Variants in NEK1 observed in about 807,000 individuals in gnomAD.
The protein encoded by NEK1 is NIMA related kinase 1, also known as serine/threonine-protein kinase Nek1.
A neutral mutation model predicts 182.1 loss-of-function variants in NEK1; 137 were observed. The observed-to-expected ratio is 0.75, with a 90% confidence interval of 0.65 to 0.87. The LOEUF is 0.87. Ranked by LOEUF, NEK1 falls within the 40% of genes least tolerant of loss-of-function variation. The pLI is 0.00. For synonymous variants in NEK1, 513 were observed against 492.2 expected (o/e 1.04, Z -0.56); for missense variants, 1,391 against 1,494.4 (o/e 0.93, Z 1.14).
At chr4:169,598,860 C>T (rs1047454463) in intron 5 of NEK1, among the ~76,000 whole-genome samples, 5 of 152,030 alleles carry the variant, frequency 3.3e-5, no homozygotes, top group African/African-American at 9.7e-5. Flanking sequence ...TACATAGACG[C>T]ATGATATATA....
intron 23 of NEK1, among the ~76,000 whole-genome samples, chr4:169,503,360 A>G (rs1434949254): frequency 1.3e-5 from 2 of 152,074 alleles, no homozygotes; most frequent in Non-Finnish European, 2.9e-5. Context: ...TTTTTTTGTA[A>G]AAAATAAAAA....
intron 18 of NEK1, among the ~76,000 whole-genome samples, chr4:169,547,558 T>C (rs539904147): frequency 1.3e-5 from 2 of 152,322 alleles, no homozygotes; most frequent in African/African-American, 4.8e-5. Context: ...GATTATATCC[T>C]GGAGAGTGTT....
chr4:169,438,984 T>TC lies in NEK1; in HGVS notation c.2588-726dup, dbSNP rs535363821. Among the ~76,000 whole-genome samples, 12 of 152,286 alleles carry TC rather than the reference T, an allele frequency of 7.9e-5. No homozygotes were observed. In the East Asian group the frequency reaches 2.1e-3, roughly 27 times the overall value. Reference sequence around the variant, plus strand: ...ACCCTCTAATCTCTAACACTCATTTTCCACTTCTCCGCCTCTACAACTCCA... The same window carrying TC: ...ACCCTCTAATCTCTAACACTCATTTTCCCACTTCTCCGCCTCTACAACTCCA... On this transcript the variant is annotated intron_variant, in intron 27 of 35. Coordinates refer to ENST00000507142, the MANE Select transcript of NEK1 (RefSeq NM_001199397.3).
intron 27 of NEK1, among the ~76,000 whole-genome samples, chr4:169,438,672 A>C (rs1738869229): frequency 6.6e-6 from 1 of 152,238 alleles, no homozygotes; most frequent in Non-Finnish European, 1.5e-5. Context: ...AAAGAAAAAA[A>C]AACTACCTCA....
At chr4:169,535,481 T>C (rs1418514716) in intron 19 of NEK1, among the ~76,000 whole-genome samples, 2 of 143,860 alleles carry the variant, frequency 1.4e-5, no homozygotes, top group Non-Finnish European at 3.1e-5. Flanking sequence ...CTGAACAAAA[T>C]AGGGAGCATC....
At chr4:169,449,512 C>A (rs1307234074) in intron 27 of NEK1, among the ~76,000 whole-genome samples, 1 of 152,318 alleles carries the variant, frequency 6.6e-6, no homozygotes, top group South Asian at 2.1e-4. Flanking sequence ...TGTTCTGCAG[C>A]CTCCACTGGT....
At chr4:169,489,212 C>T (rs566518902) in intron 23 of NEK1, among the ~76,000 whole-genome samples, 2 of 152,004 alleles carry the variant, frequency 1.3e-5, no homozygotes, top group East Asian at 1.9e-4. Context: ...GAGCATTTTA[C>T]GTGGTAAATC....
chr4:169,542,670 CCTGA>C (rs1164098818), intron 18 of NEK1, among the ~76,000 whole-genome samples: 1 of 146,840 alleles, frequency 6.8e-6, no homozygotes, highest in African/African-American at 2.7e-5. Context: ...TCTGTTCTTT[CCTGA>C]CTTTTTAATT....
At position 169,406,585 on chromosome 4, in the gene NEK1, A is replaced by G; in HGVS notation, c.3374+11T>C. On this transcript the variant is annotated intron_variant, in intron 32 of 35. Transcript: ENST00000507142. Reference sequence around the variant, plus strand: ...TCTTTTAATGCTGTTTACTAATGACATTATACTTACATGTCTTCAGAATCA... The same window carrying G: ...TCTTTTAATGCTGTTTACTAATGACGTTATACTTACATGTCTTCAGAATCA... 2 of 1,573,372 alleles carry G rather than the reference A, an allele frequency of 1.3e-6. No homozygotes were observed. The highest frequency in any genetic ancestry group is 1.7e-6 in the Non-Finnish European group (2 of 1,159,798).
At chr4:169,576,703 G>A (rs1561447649) in intron 12 of NEK1, 2 of 310,270 alleles carry the variant, frequency 6.4e-6, no homozygotes, top group African/African-American at 2.2e-5. Flanking sequence ...AATGTCACTC[G>A]CTTTTTATTA....
intron 26 of NEK1, among the ~76,000 whole-genome samples, chr4:169,466,417 A>G (rs1744931085): frequency 6.6e-6 from 1 of 150,382 alleles, no homozygotes; most frequent in East Asian, 2.0e-4. Flanking sequence ...AAAAGGAGTC[A>G]GAGAAAAAAG....
intron 4 of NEK1, 71 bp downstream of exon 4, chr4:169,601,937 T>A (rs1054984287): frequency 8.4e-6 from 9 of 1,069,448 alleles, no homozygotes; most frequent in Admixed American, 1.8e-5. Context: ...ATCTTTTTCC[T>A]AAGAATGCAT....
intron 28 of NEK1, among the ~76,000 whole-genome samples, chr4:169,434,441 G>A (rs972183888): frequency 3.9e-5 from 6 of 152,000 alleles, no homozygotes; most frequent in Non-Finnish European, 8.8e-5. Flanking sequence ...TGAAACTCCC[G>A]ACCTCAAGTG....
At chr4:169,503,175 G>A (rs1024442375) in intron 23 of NEK1, among the ~76,000 whole-genome samples, 2 of 152,082 alleles carry the variant, frequency 1.3e-5, no homozygotes, top group African/African-American at 4.8e-5. Context: ...ACCCAAGGAG[G>A]TGAAAGATCT....
intron 19 of NEK1, among the ~76,000 whole-genome samples, chr4:169,527,516 T>C (rs1229008492): frequency 1.3e-5 from 2 of 152,078 alleles, no homozygotes; most frequent in Non-Finnish European, 2.9e-5. Flanking sequence ...AACTATACCA[T>C]AAAGGGGAGA....
At position 169,473,594 on chromosome 4, in the gene NEK1, T is replaced by A. The variant is rs568201676; in HGVS notation, c.2434+3530A>T. ...GAAATAATATTCAATGATTTGAAAA[T>A]AAGAGAAGGGTCAGGCATGGTGGCT... On this transcript the variant is annotated intron_variant, in intron 26 of 35. Coordinates refer to ENST00000507142, the MANE Select transcript of NEK1 (RefSeq NM_001199397.3). Among the ~76,000 whole-genome samples, 5 of 152,138 alleles carry A rather than the reference T, an allele frequency of 3.3e-5. No homozygotes were observed. In the South Asian group the frequency reaches 1.0e-3, roughly 32 times the overall value.
Position 169,602,600 on chromosome 4 carries a change from C to T in NEK1, c.31G>A (p.Gly11Arg). MEKYVRLQKI[G>R]EGSFGKAILV... is the part of the protein sequence containing the mutation. Reference sequence around the variant, plus strand: ...ATGGCTTTTCCAAATGAACCTTCTCCAATCTTCTGTAGTCTAACATACTTC... The same window carrying T: ...ATGGCTTTTCCAAATGAACCTTCTCTAATCTTCTGTAGTCTAACATACTTC... Residue 11 changes from glycine to arginine, a missense_variant, in exon 3 of 36, where the codon GGA becomes AGA. This residue lies in a region of NEK1 where 42 missense variants were observed against 47.9 expected (regional missense o/e 0.88). Transcript: ENST00000507142. 4.4e-6 allele frequency: 7 copies of T among 1,606,024 alleles called. No homozygotes were observed. Among genetic ancestry groups the T allele is most frequent in the Non-Finnish European group, 6.0e-6 (7 of 1,173,232 alleles).
At chr4:169,554,043 G>A (rs1761798879) in intron 18 of NEK1, 1 of 152,160 alleles carries the variant, frequency 6.6e-6, no homozygotes, top group African/African-American at 2.4e-5. Flanking sequence ...ACACACAAAT[G>A]TTTGTAGAAG....
intron 23 of NEK1, among the ~76,000 whole-genome samples, chr4:169,495,239 CTT>C (rs774183115): frequency 0.023 from 2,449 of 105,000 alleles, 21 homozygotes; most frequent in African/African-American, 0.061. Flanking sequence ...ACATTTAAGT[CTT>C]TTTTTTTTTT....
Sources: allele counts gnomAD v4.1 joint callset (sites outside exome capture counted in the v4.1 genomes callset), GRCh38; gene constraint gnomAD v4.1.1; regional missense constraint gnomAD v4.1.1; transcripts MANE v1.5; gene names NCBI Gene and HGNC (gene_info 2026-07-23, HGNC 2026-07-21).